Variants in KIF13B observed in about 807,000 individuals in gnomAD.
KIF13B encodes kinesin family member 13B, also known as kinesin-like protein KIF13B.
In KIF13B, 127 loss-of-function variants were observed where a neutral mutation model predicts 222.0. That is an observed-to-expected ratio of 0.57 (90% CI 0.50 to 0.66). The LOEUF (loss-of-function observed/expected upper bound fraction) is 0.66, where lower values mean the gene tolerates loss of function less well. KIF13B is among the 30% of genes least tolerant of loss of function. The pLI is 0.00. For missense variants in KIF13B, 2,173 were observed against 2,379.0 expected (o/e 0.91, Z 1.80); for synonymous variants, 976 against 919.0 (o/e 1.06, Z -1.12).
chr8:29,190,640 C>T (rs1813136306), intron 4 of KIF13B: 1 of 210,460 alleles, frequency 4.8e-6, no homozygotes, highest in African/African-American at 2.3e-5. Context: ...TTGTGGGAAC[C>T]CTAATTGGAA....
At chr8:29,215,858 A>G (rs1197862328) in intron 2 of KIF13B, among the ~76,000 whole-genome samples, 1 of 152,232 alleles carries the variant, frequency 6.6e-6, no homozygotes, top group Non-Finnish European at 1.5e-5. Context: ...GTAAATGAGG[A>G]TATGAATTGT....
chr8:29,181,020 C>G (rs759714888), intron 7 of KIF13B, among the ~76,000 whole-genome samples: 1 of 152,188 alleles, frequency 6.6e-6, no homozygotes, highest in Non-Finnish European at 1.5e-5. Flanking sequence ...TTCAACTTGG[C>G]ACATATGGCC....
chr8:29,178,594 A>C (rs1812580045), intron 8 of KIF13B, among the ~76,000 whole-genome samples: 1 of 152,102 alleles, frequency 6.6e-6, no homozygotes, highest in Non-Finnish European at 1.5e-5. Flanking sequence ...TATTTCCATA[A>C]ATAAACATGC....
chr8:29,232,176 G>C (rs1420646273), intron 2 of KIF13B, among the ~76,000 whole-genome samples: 2 of 151,912 alleles, frequency 1.3e-5, no homozygotes, highest in Admixed American at 1.3e-4. Flanking sequence ...AGGATCCCTT[G>C]AACCTGGAAA....
intron 13 of KIF13B, among the ~76,000 whole-genome samples, chr8:29,157,827 C>A (rs1172848497): frequency 1.4e-5 from 2 of 144,642 alleles, no homozygotes; most frequent in Admixed American, 6.8e-5. Flanking sequence ...CAAGACCCTG[C>A]CTCAAAAAAA....
At chr8:29,132,910 T>C (rs1470877591) in intron 22 of KIF13B, among the ~76,000 whole-genome samples, 1 of 152,206 alleles carries the variant, frequency 6.6e-6, no homozygotes, top group Non-Finnish European at 1.5e-5. Flanking sequence ...ATAAAATCAT[T>C]AGCACCAAAA....
chr8:29,198,085 G>A (rs946305228), intron 2 of KIF13B, among the ~76,000 whole-genome samples: 3 of 152,156 alleles, frequency 2.0e-5, no homozygotes, highest in African/African-American at 7.2e-5. Context: ...TGTATCAAGT[G>A]ATTTCTGACA....
At chr8:29,233,902 CATT>C (rs1387836659) in intron 2 of KIF13B, among the ~76,000 whole-genome samples, 2 of 152,084 alleles carry the variant, frequency 1.3e-5, no homozygotes, top group African/African-American at 2.4e-5. Flanking sequence ...AAACAAGAGT[CATT>C]ATATGTTAAT....
At chr8:29,241,935 T>C (rs1815801161) in intron 2 of KIF13B, among the ~76,000 whole-genome samples, 1 of 152,146 alleles carries the variant, frequency 6.6e-6, no homozygotes. Context: ...GCTTAAACTT[T>C]CCACTTGAAA....
At chr8:29,128,968 C>G (rs1435726334) in intron 24 of KIF13B, among the ~76,000 whole-genome samples, 1 of 152,198 alleles carries the variant, frequency 6.6e-6, no homozygotes, top group Non-Finnish European at 1.5e-5. Context: ...AACCTGTTCT[C>G]TTCCTGTTTT....
chr8:29,091,440 G>A (rs143886210), intron 37 of KIF13B, among the ~76,000 whole-genome samples: 155 of 152,298 alleles, frequency 1.0e-3, no homozygotes, highest in African/African-American at 3.7e-3. Flanking sequence ...AACAGCAACT[G>A]AAAACACTGG....
intron 8 of KIF13B, among the ~76,000 whole-genome samples, chr8:29,178,214 A>G (rs1812562183): frequency 6.6e-6 from 1 of 152,158 alleles, no homozygotes; most frequent in South Asian, 2.1e-4. Context: ...TATTATTGGA[A>G]ACTGTGTTTA....
At chr8:29,093,937 G>C (rs954408118) in intron 36 of KIF13B, among the ~76,000 whole-genome samples, 1 of 152,026 alleles carries the variant, frequency 6.6e-6, no homozygotes, top group African/African-American at 2.4e-5. Context: ...AAATAAAATA[G>C]GGTTAAGATG....
rs1807258852 is a variant in KIF13B at position 29,071,254 on chromosome 8, G to A, written c.5218+366C>T. Among the ~76,000 whole-genome samples the A allele has an allele frequency of 6.6e-6, 1 of 152,164 alleles. No individual in the cohort carries two copies. Among genetic ancestry groups the A allele is most frequent in the Admixed American group, 6.5e-5 (1 of 15,282 alleles). On this transcript the variant is annotated intron_variant, in intron 39 of 39. Coordinates refer to ENST00000524189, the MANE Select transcript of KIF13B (RefSeq NM_015254.4). The surrounding 1 kb of genome is among the most constrained non-coding windows in gnomAD (Gnocchi z 4.9). Reference sequence around the variant, plus strand: ...AGGCCAGCGAGATGTGTCCGGATGGGGTGAGGAAGAGCCTCCTGGAACGGC... The same window carrying A: ...AGGCCAGCGAGATGTGTCCGGATGGAGTGAGGAAGAGCCTCCTGGAACGGC...
intron 4 of KIF13B, chr8:29,190,308 T>G (rs2130343948): frequency 6.6e-6 from 1 of 152,376 alleles, no homozygotes; most frequent in Non-Finnish European, 1.5e-5. Flanking sequence ...ACATTTCTAA[T>G]CGGTTGACAA....
intron 2 of KIF13B, 141 bp downstream of exon 2, chr8:29,245,205 T>C (rs930519769): frequency 1.5e-6 from 1 of 665,816 alleles, no homozygotes; most frequent in Non-Finnish European, 2.7e-6. Context: ...CTCTTCAACT[T>C]GAGTACAGGC....
At position 29,186,489 on chromosome 8, in the gene KIF13B, CAG is replaced by C. The variant is rs749489432; in HGVS notation, c.317-19_317-18del. On this transcript the variant is annotated intron_variant, in intron 5 of 39. Transcript: ENST00000524189. ...TTCCAGAGCCTAAAAAAATGGAAAT[CAG>C]AGTTACTATTGTCTCTTTGAGACGT... 3.8e-6 allele frequency: 6 copies of C among 1,593,558 alleles called. No homozygotes were observed. Among genetic ancestry groups the C allele is most frequent in the Non-Finnish European group, 5.1e-6 (6 of 1,172,202 alleles).
In KIF13B at chr8:29,089,019, A is replaced by G. The variant is rs569987822; in HGVS notation, c.4458+3726T>C. 2.0e-5 allele frequency among the ~76,000 whole-genome samples: 3 copies of G among 152,322 alleles called. No homozygotes were observed. In the East Asian group the frequency reaches 5.8e-4, roughly 29 times the overall value. ...GAAATGTTCTTTAGCACTTCCACCA[A>G]CCTAGGAAAAGAAGGTTCTTAAATA... On this transcript the variant is annotated intron_variant, in intron 37 of 39. Transcript: ENST00000524189.
intron 35 of KIF13B, among the ~76,000 whole-genome samples, chr8:29,105,727 T>C (rs563912174): frequency 4.6e-3 from 629 of 137,884 alleles, no homozygotes; most frequent in African/African-American, 0.016. Context: ...GGCACGATCT[T>C]GGCTCACTGC....
Sources: gnomAD v4.1 joint callset for allele counts (sites outside exome capture counted in the v4.1 genomes callset) on GRCh38, gnomAD v4.1.1 for gene constraint, Gnocchi (gnomAD v3.1) non-coding constraint, MANE v1.5 for transcripts, NCBI Gene and HGNC (gene_info 2026-07-23, HGNC 2026-07-21) for gene names.